ZNF736: variants seen among roughly 807,000 people sequenced by gnomAD.
The protein encoded by ZNF736 is zinc finger protein 736, also known as KRAB-containing zinc-finger repressor protein.
In ZNF736, 6 loss-of-function variants were observed where a neutral mutation model predicts 11.7. The ratio of observed to expected loss-of-function variants is 0.51; its 90% confidence interval spans 0.28 to 1.01. The LOEUF (loss-of-function observed/expected upper bound fraction) is 1.01. Ranked by LOEUF, ZNF736 falls within the 50% of genes least tolerant of loss-of-function variation. The pLI is 0.09. For missense variants in ZNF736, 444 were observed against 496.0 expected (o/e 0.90, Z 1.00); for synonymous variants, 139 against 164.7 (o/e 0.84, Z 1.19).
intron 1 of ZNF736, among the ~76,000 whole-genome samples, chr7:64,315,535 G>C (rs1256513941): frequency 6.6e-6 from 1 of 152,084 alleles, no homozygotes; most frequent in Non-Finnish European, 1.5e-5. Context: ...TTTTGTTGTT[G>C]TTGTTGTTGT....
intron 3 of ZNF736, among the ~76,000 whole-genome samples, chr7:64,346,272 C>G (rs897359673): frequency 6.6e-6 from 1 of 151,232 alleles, no homozygotes; most frequent in Non-Finnish European, 1.5e-5. Flanking sequence ...ATTGTTGCCT[C>G]TTCTCTCATT....
chr7:64,337,263 A>C (rs1789267123), intron 3 of ZNF736: 2 of 388,894 alleles, frequency 5.1e-6, no homozygotes, highest in African/African-American at 4.2e-5. Context: ...AAAGTCTTTC[A>C]TGGCTTGACA....
intron 1 of ZNF736, among the ~76,000 whole-genome samples, chr7:64,328,816 C>A (rs563803970): frequency 6.6e-6 from 1 of 152,074 alleles, no homozygotes; most frequent in African/African-American, 2.4e-5. Context: ...TATTCTATAA[C>A]CTTCTTGTAC....
chr7:64,326,620 C>G (rs1789085847), intron 1 of ZNF736, among the ~76,000 whole-genome samples: 1 of 151,038 alleles, frequency 6.6e-6, no homozygotes, highest in African/African-American at 2.4e-5. Context: ...TTGCTCTTTT[C>G]TAGTTCTGTA....
intron 1 of ZNF736, among the ~76,000 whole-genome samples, chr7:64,327,654 A>AT (rs1789101025): frequency 6.6e-6 from 1 of 151,652 alleles, no homozygotes; most frequent in Non-Finnish European, 1.5e-5. Context: ...AGTAAAGATG[A>AT]TTTTTTCTAG....
chr7:64,336,866 T>G (rs756751380), intron 2 of ZNF736, 21 bp from the exon 3 acceptor site: 6 of 1,542,912 alleles, frequency 3.9e-6, no homozygotes, highest in South Asian at 3.5e-5. Context: ...AAGAGTCATG[T>G]TTTTTTTTCT....
At chr7:64,344,735 A>T (rs551885902) in intron 3 of ZNF736, among the ~76,000 whole-genome samples, 1 of 152,126 alleles carries the variant, frequency 6.6e-6, no homozygotes, top group Non-Finnish European at 1.5e-5. Context: ...GCTTTTGTGG[A>T]TAATGCTTCA....
At position 64,352,099 on chromosome 7, in the gene ZNF736, C is replaced by G. The variant is rs1015655610; in HGVS notation, c.*2952C>G. 4 of 152,264 alleles carry G rather than the reference C, an allele frequency of 2.6e-5. No homozygotes were observed. Among genetic ancestry groups the G allele is most frequent in the African/African-American group, 9.7e-5 (4 of 41,412 alleles). The allele number at this position is 152,264 out of a possible 1,614,324, so 9.4% of individuals were successfully genotyped here. On this transcript the variant is annotated 3_prime_UTR_variant, in exon 4 of 4. Coordinates refer to ENST00000423484, the MANE Select transcript of ZNF736 (RefSeq NM_001170905.3). Reference sequence around the variant, plus strand: ...CTCTGGCAATGATTGGCTAGTGGCCCGGGCCTGGAGAACCTGCCTCGTGAG... The same window carrying G: ...CTCTGGCAATGATTGGCTAGTGGCCGGGGCCTGGAGAACCTGCCTCGTGAG...
intron 1 of ZNF736, among the ~76,000 whole-genome samples, chr7:64,332,873 C>T (rs1254577747): frequency 3.3e-5 from 5 of 152,166 alleles, no homozygotes; most frequent in Admixed American, 1.3e-4. Flanking sequence ...TGCCCGACCC[C>T]GCAGGTACTC....
chr7:64,330,873 A>G (rs1172749743), intron 1 of ZNF736, among the ~76,000 whole-genome samples: 1 of 151,076 alleles, frequency 6.6e-6, no homozygotes, highest in Non-Finnish European at 1.5e-5. Flanking sequence ...TAGGAGCCTC[A>G]GGGCTTTTTC....
intron 1 of ZNF736, among the ~76,000 whole-genome samples, chr7:64,330,003 G>A (rs1789138992): frequency 6.6e-6 from 1 of 152,164 alleles, no homozygotes; most frequent in East Asian, 1.9e-4. Flanking sequence ...CTTTTATCAA[G>A]CATAAGAAAC....
At chr7:64,317,724 GAC>G (rs898270978) in intron 1 of ZNF736, among the ~76,000 whole-genome samples, 2 of 151,880 alleles carry the variant, frequency 1.3e-5, no homozygotes, top group African/African-American at 2.4e-5. Flanking sequence ...AATCAGCTTT[GAC>G]CATACAAGAT....
intron 1 of ZNF736, among the ~76,000 whole-genome samples, chr7:64,326,900 G>T (rs1280097999): frequency 6.6e-6 from 1 of 152,106 alleles, no homozygotes; most frequent in Non-Finnish European, 1.5e-5. Context: ...ATTATCATCA[G>T]AGAAATTACT....
chr7:64,347,156 C>T (rs1789421890), intron 3 of ZNF736, among the ~76,000 whole-genome samples: 2 of 148,558 alleles, frequency 1.3e-5, no homozygotes, highest in African/African-American at 5.0e-5. Context: ...TGGAGTCTCT[C>T]AAGCCTGTTC....
intron 1 of ZNF736, among the ~76,000 whole-genome samples, chr7:64,332,503 G>C (rs1789184622): frequency 6.6e-6 from 1 of 152,180 alleles, no homozygotes; most frequent in African/African-American, 2.4e-5. Context: ...AGGCAAAACA[G>C]AACTGATAAG....
intron 1 of ZNF736, among the ~76,000 whole-genome samples, chr7:64,326,883 TTATTC>T (rs1292854156): frequency 4.6e-5 from 7 of 152,188 alleles, no homozygotes; most frequent in Admixed American, 4.6e-4. Context: ...ATTACTAGTT[TTATTC>T]TATTATCATC....
intron 1 of ZNF736, among the ~76,000 whole-genome samples, chr7:64,324,514 G>A (rs1312692689): frequency 6.6e-6 from 1 of 152,148 alleles, no homozygotes; most frequent in Non-Finnish European, 1.5e-5. Flanking sequence ...TTAGCTACCA[G>A]TATGTGATTT....
intron 1 of ZNF736, among the ~76,000 whole-genome samples, chr7:64,320,127 C>T (rs1788984146): frequency 6.6e-6 from 1 of 152,092 alleles, no homozygotes; most frequent in African/African-American, 2.4e-5. Context: ...AGGCCAAATC[C>T]AAGAAATCCT....
intron 3 of ZNF736, among the ~76,000 whole-genome samples, chr7:64,338,804 G>A (rs1789295991): frequency 6.6e-6 from 1 of 151,740 alleles, no homozygotes; most frequent in Non-Finnish European, 1.5e-5. Flanking sequence ...AATGAACATG[G>A]AGGTGCAGGT....
Sources: gnomAD v4.1 joint callset for allele counts (sites outside exome capture counted in the v4.1 genomes callset) on GRCh38, gnomAD v4.1.1 for gene constraint, MANE v1.5 for transcripts, NCBI Gene and HGNC (gene_info 2026-07-23, HGNC 2026-07-21) for gene names.